The following USP50 variants were observed in gnomAD, a reference collection of about 807,000 sequenced individuals.
The protein encoded by USP50 is ubiquitin specific peptidase 50, also known as ubiquitin carboxyl-terminal hydrolase 50.
USP50 carries 37 observed loss-of-function variants against 39.2 expected under a neutral mutation model. The ratio of observed to expected loss-of-function variants is 0.94; its 90% CI spans 0.73 to 1.24. USP50 has a LOEUF of 1.24. USP50 is among the 50% of genes most tolerant of loss of function. USP50 has a pLI of 0.00. For synonymous variants in USP50, 139 were observed against 144.5 expected, an observed-to-expected ratio of 0.96 and a Z score of 0.27; for missense variants, 374 against 398.2, an observed-to-expected ratio of 0.94 and a Z score of 0.52.
chr15:50,536,812 G>A (rs964424812), intron 5 of USP50, among the ~76,000 whole-genome samples: 114 of 152,094 alleles, frequency 7.5e-4, no homozygotes, highest in African/African-American at 2.6e-3. Flanking sequence ...CCTAAATAGA[G>A]AGATATATTC....
At chr15:50,511,290 G>A (rs1246786655) in intron 6 of USP50, 2 of 152,212 alleles carry the variant, frequency 1.3e-5, no homozygotes, top group Non-Finnish European at 2.9e-5. Flanking sequence ...GGTTGAGGAT[G>A]TGGGGAAACT....
At chr15:50,494,285 G>C in intron 1 of USP50, 1 of 1,591,512 alleles carries the variant, frequency 6.3e-7, no homozygotes, top group South Asian at 1.1e-5. Flanking sequence ...AATAAAGTAA[G>C]AAATTTGATT....
At chr15:50,527,409 A>G (rs944809558) in intron 6 of USP50, among the ~76,000 whole-genome samples, 6 of 151,778 alleles carry the variant, frequency 4.0e-5, no homozygotes, top group Non-Finnish European at 7.4e-5. Context: ...GGGTTTCACC[A>G]TGTTGGTCAG....
At chr15:50,509,998 A>G (rs1189615330) in intron 6 of USP50, 1 of 152,136 alleles carries the variant, frequency 6.6e-6, no homozygotes, top group Non-Finnish European at 1.5e-5. Flanking sequence ...TTTCAAAGCT[A>G]TAGCTATAAT....
At chr15:50,544,290 GA>G (rs1292641767) in intron 2 of USP50, among the ~76,000 whole-genome samples, 1 of 151,682 alleles carries the variant, frequency 6.6e-6, no homozygotes, top group Non-Finnish European at 1.5e-5. Flanking sequence ...TGAACCCGAG[GA>G]ACAGAGGTTG....
intron 6 of USP50, chr15:50,512,309 C>T (rs1418303613): frequency 6.7e-6 from 1 of 149,474 alleles, no homozygotes; most frequent in East Asian, 2.0e-4. Context: ...GCCTGGGCAA[C>T]AGAGCAAGAC....
chr15:50,530,140 C>T (rs1477012118), intron 5 of USP50, among the ~76,000 whole-genome samples: 5 of 152,094 alleles, frequency 3.3e-5, no homozygotes, highest in Non-Finnish European at 7.4e-5. Flanking sequence ...AACCCCGTCT[C>T]TACATAAAAT....
At chr15:50,516,894 C>T (rs2052808185) in intron 6 of USP50, among the ~76,000 whole-genome samples, 1 of 151,798 alleles carries the variant, frequency 6.6e-6, no homozygotes, top group Non-Finnish European at 1.5e-5. Context: ...ATATATGCAC[C>T]TAATGTTAGA....
rs994305367 is a variant in USP50 at position 50,510,779 on chromosome 15, T to A, written c.937-9942A>T. 5.3e-5 allele frequency: 8 copies of A among 151,836 alleles called. 1 individual carries two copies. In the East Asian group the frequency reaches 1.5e-3, roughly 29 times the overall value. The allele number at this position is 151,836 out of a possible 1,614,324, so 9.4% of individuals were successfully genotyped here. A position where few individuals can be genotyped will look rare whatever the true frequency, so the allele number is the denominator to read the frequency against. ...ACCAATGTACACCAATGTTTTGTTT[T>A]TTGGTTTTTTTTTTAGAGATGGAGT... is the stretch of plus-strand genomic sequence containing the variant. On this transcript the variant is annotated intron_variant, in intron 6 of 6. Coordinates refer to ENST00000532404, the MANE Select transcript of USP50 (RefSeq NM_203494.5).
rs372050942 is a variant in USP50, at chr15:50,527,332, G to C, written c.936+2465C>G. ...TGATTCTCCTGCCTCAGCCTCCTGA[G>C]TAGCTGGGACTACAGGCACATGCCA... On this transcript the variant is annotated intron_variant, in intron 6 of 6. Transcript: ENST00000532404. Among the ~76,000 whole-genome samples the C allele has an allele frequency of 1.2e-4, 18 of 152,246 alleles. No homozygotes were observed. In the East Asian group the frequency reaches 1.4e-3, roughly 11 times the overall value.
chr15:50,506,093 T>TACTAA (rs1456128753), intron 6 of USP50: 4 of 152,244 alleles, frequency 2.6e-5, no homozygotes, highest in African/African-American at 7.2e-5. Context: ...TGTCGTTTTT[T>TACTAA]AGCATAATTA....
chr15:50,538,646 G>C, intron 5 of USP50, 63 bp downstream of exon 5: 2 of 1,455,112 alleles, frequency 1.4e-6, no homozygotes, highest in Non-Finnish European at 1.8e-6. Flanking sequence ...TTATTGGCAT[G>C]TGAATTTTAT....
downstream of USP50, chr15:50,493,178 G>A (rs1013061404): frequency 4.7e-5 from 26 of 549,930 alleles, no homozygotes; most frequent in East Asian, 3.9e-4. Context: ...AGCCCTAAAC[G>A]GCACCTAATC....
Position 50,543,703 on chromosome 15 carries a change from C to G in USP50, c.339G>C (p.Trp113Cys). ...CTGGGTAGAGGTTGCCAAGAGCTGA[C>G]CAGAATATTTCTGGTGAGACACAGT... The part of the protein sequence containing the change: ...DSDCVSPEIF[W>C]SALGNLYPAF... The change falls in exon 3 of 7, where the codon TGG becomes TGC. Residue 113 changes from tryptophan to cysteine, a missense_variant. Coordinates refer to ENST00000532404, the MANE Select transcript of USP50 (RefSeq NM_203494.5). 6.2e-7 allele frequency: 1 copy of G among 1,612,406 alleles called. No individual in the cohort carries two copies. The highest frequency in any genetic ancestry group is 1.1e-5 in the South Asian group (1 of 90,716).
At chr15:50,494,807 G>C (rs2052311556) in intron 1 of USP50, among the ~76,000 whole-genome samples, 1 of 152,134 alleles carries the variant, frequency 6.6e-6, no homozygotes. Flanking sequence ...CTGAGGTCAG[G>C]AGTTTGAGCC....
rs748233644 is a variant in USP50, at chr15:50,500,785, G to T, written c.989C>A (p.Ser330Ter). The T allele has an allele frequency of 3.1e-6, 5 of 1,590,072 alleles. No homozygotes were observed. The Admixed American group carries it at 8.9e-5, about 28-fold the overall frequency. Residue 330 changes from serine to a stop codon, truncating the protein, a stop_gained, in exon 7 of 7, where the codon TCA becomes TAA. Coordinates refer to ENST00000532404, the MANE Select transcript of USP50 (RefSeq NM_203494.5). LOFTEE classifies it high-confidence loss of function. The part of the protein sequence containing the change: ...GGHYTAFCKN[S>*]VTQA The stretch of plus-strand genomic sequence containing the variant: ...AAAGCTATATCAGGCCTGGGTGACT[G>T]AATTCTTGCAGAAAGCAGTGTAGTG...
chr15:50,510,654 T>C (rs1212277430), intron 6 of USP50: 2 of 152,236 alleles, frequency 1.3e-5, no homozygotes, highest in East Asian at 3.8e-4. Context: ...AAGTTAGATA[T>C]ACGTGTGTAT....
chr15:50,494,074 A>G, exon 2 of USP50: 2 of 1,604,842 alleles, frequency 1.2e-6, no homozygotes, highest in South Asian at 2.2e-5. Flanking sequence ...GCACAGGTCA[A>G]ATTTGTTGGG....
At chr15:50,526,443 T>G (rs1430065040) in intron 6 of USP50, among the ~76,000 whole-genome samples, 1 of 152,160 alleles carries the variant, frequency 6.6e-6, no homozygotes, top group Non-Finnish European at 1.5e-5. Context: ...TTTCATTGTT[T>G]TAAAAAACAC....
Sources: gnomAD v4.1 joint callset for allele counts (sites outside exome capture counted in the v4.1 genomes callset) on GRCh38, gnomAD v4.1.1 for gene constraint, MANE v1.5 for transcripts, NCBI Gene and HGNC (gene_info 2026-07-23, HGNC 2026-07-21) for gene names.